THSD7B: variants seen among roughly 807,000 people sequenced by gnomAD.
THSD7B encodes thrombospondin type 1 domain containing 7B, also known as thrombospondin type-1 domain-containing protein 7B.
A neutral mutation model predicts 213.6 loss-of-function variants in THSD7B; 138 were observed. That is an observed-to-expected ratio of 0.65 (90% CI 0.56 to 0.74). The LOEUF (loss-of-function observed/expected upper bound fraction) is 0.74, where lower values mean the gene tolerates loss of function less well. Ranked by LOEUF, THSD7B falls within the 30% of genes least tolerant of loss-of-function variation. The probability of loss-of-function intolerance (pLI) is 0.00; values close to 1 mark genes in which losing one functional copy is unlikely to be tolerated. For missense variants in THSD7B, 1,931 were observed against 1,991.5 expected, an observed-to-expected ratio of 0.97 and a Z score of 0.58; for synonymous variants, 742 against 687.0, an observed-to-expected ratio of 1.08 and a Z score of -1.25.
chr2:137,227,310 A>C (rs1276108883), intron 7 of THSD7B, among the ~76,000 whole-genome samples: 1 of 152,200 alleles, frequency 6.6e-6, no homozygotes, highest in African/African-American at 2.4e-5. Flanking sequence ...TCTATTCCAC[A>C]AGGAGAGAAC....
chr2:137,179,626 T>G (rs942733344), intron 7 of THSD7B, among the ~76,000 whole-genome samples: 2 of 148,272 alleles, frequency 1.3e-5, no homozygotes, highest in Non-Finnish European at 2.9e-5. Flanking sequence ...AATCAATAAT[T>G]TTTTTTACTT....
At chr2:137,498,334 T>A (rs2105132117) in intron 15 of THSD7B, among the ~76,000 whole-genome samples, 2 of 87,610 alleles carry the variant, frequency 2.3e-5, no homozygotes, top group Middle Eastern at 5.3e-3. Flanking sequence ...GACAGTAAAG[T>A]CTTTTTTTTT....
At chr2:137,235,886 C>A (rs1370162350) in intron 9 of THSD7B, among the ~76,000 whole-genome samples, 1 of 152,152 alleles carries the variant, frequency 6.6e-6, no homozygotes, top group Non-Finnish European at 1.5e-5. Context: ...AGGCTGGAGA[C>A]TTAACAACCT....
intron 15 of THSD7B, among the ~76,000 whole-genome samples, chr2:137,470,239 A>C (rs1428369717): frequency 6.6e-6 from 1 of 152,226 alleles, no homozygotes; most frequent in Non-Finnish European, 1.5e-5. Flanking sequence ...AAGCAGATTA[A>C]CTCACTTAAT....
At chr2:136,789,274 A>G (rs1029000000) in intron 1 of THSD7B, among the ~76,000 whole-genome samples, 1 of 152,076 alleles carries the variant, frequency 6.6e-6, no homozygotes, top group African/African-American at 2.4e-5. Context: ...AAAAAGGTGA[A>G]TGTGAGTTTC....
chr2:137,498,335 C>CTTTTTTTT (rs10535733), intron 15 of THSD7B, among the ~76,000 whole-genome samples: 1 of 146,540 alleles, frequency 6.8e-6, no homozygotes, highest in African/African-American at 2.5e-5. Context: ...ACAGTAAAGT[C>CTTTTTTTT]TTTTTTTTTT....
intron 5 of THSD7B, among the ~76,000 whole-genome samples, chr2:137,147,728 C>T (rs562750712): frequency 6.6e-6 from 1 of 152,122 alleles, no homozygotes; most frequent in African/African-American, 2.4e-5. Context: ...TTGATTCACC[C>T]CGTGGGCTAA....
chr2:137,071,152 T>G (rs1406314817), intron 3 of THSD7B, among the ~76,000 whole-genome samples: 1 of 152,200 alleles, frequency 6.6e-6, no homozygotes, highest in Non-Finnish European at 1.5e-5. Flanking sequence ...ACTTCCACAA[T>G]GGTTGAACTA....
At chr2:136,968,093 T>C (rs1685349786) in intron 2 of THSD7B, among the ~76,000 whole-genome samples, 1 of 152,162 alleles carries the variant, frequency 6.6e-6, no homozygotes, top group Admixed American at 6.5e-5. Flanking sequence ...GACTGTATCA[T>C]GATATGGATG....
chr2:137,024,257 A>C (rs920297086), intron 2 of THSD7B, among the ~76,000 whole-genome samples: 2 of 152,066 alleles, frequency 1.3e-5, no homozygotes, highest in Admixed American at 1.3e-4. Flanking sequence ...TTGGTGGTGG[A>C]TTTGGGAGAA....
chr2:137,630,732 G>A lies in THSD7B; in HGVS notation c.3799+10006G>A, dbSNP rs372860229. ...TCGCCTGTTCTAAGACAAAGTGCCAGCAGCTGTCTTTTGTAGGAGCCGCTT... is the reference window on the plus strand; with the variant it reads ...TCGCCTGTTCTAAGACAAAGTGCCAACAGCTGTCTTTTGTAGGAGCCGCTT... On this transcript the variant is annotated intron_variant, in intron 20 of 27. Coordinates refer to ENST00000409968, the MANE Select transcript of THSD7B (RefSeq NM_001316349.2). Among the ~76,000 whole-genome samples, 20 of 152,278 alleles carry A rather than the reference G, an allele frequency of 1.3e-4. 2 individuals are homozygous for A. Among genetic ancestry groups the A allele is most frequent in the Admixed American group, 8.5e-4 (13 of 15,302 alleles).
At chr2:137,386,174 A>G (rs1413189070) in intron 12 of THSD7B, among the ~76,000 whole-genome samples, 1 of 152,184 alleles carries the variant, frequency 6.6e-6, no homozygotes, top group Non-Finnish European at 1.5e-5. Flanking sequence ...GACATGTCCT[A>G]CTCAGCATTT....
intron 13 of THSD7B, among the ~76,000 whole-genome samples, chr2:137,410,145 C>T (rs1410659307): frequency 6.6e-6 from 1 of 152,142 alleles, no homozygotes; most frequent in Non-Finnish European, 1.5e-5. Flanking sequence ...ATTTTCATGG[C>T]TGTGGTGGAA....
intron 17 of THSD7B, among the ~76,000 whole-genome samples, chr2:137,583,829 T>A (rs1362441248): frequency 6.6e-6 from 1 of 152,236 alleles, no homozygotes; most frequent in Non-Finnish European, 1.5e-5. Context: ...GGGCTCTTTT[T>A]TGGTTCCATA....
chr2:137,478,328 T>G (rs1174960670), intron 15 of THSD7B, among the ~76,000 whole-genome samples: 1 of 152,144 alleles, frequency 6.6e-6, no homozygotes, highest in East Asian at 1.9e-4. Flanking sequence ...ATTCTGAAAT[T>G]CTTTTGTCTG....
chr2:137,308,922 T>C (rs979797418), intron 12 of THSD7B, among the ~76,000 whole-genome samples: 6 of 152,112 alleles, frequency 3.9e-5, no homozygotes, highest in Admixed American at 1.3e-4. Flanking sequence ...TTGTAACCAG[T>C]TTATTGCTGA....
chr2:137,216,790 G>A (rs1681254805), intron 7 of THSD7B, among the ~76,000 whole-genome samples: 1 of 152,148 alleles, frequency 6.6e-6, no homozygotes, highest in African/African-American at 2.4e-5. Flanking sequence ...GTCACATGAG[G>A]CCAGATCTGT....
At chr2:136,939,554 G>A (rs1223747610) in intron 2 of THSD7B, among the ~76,000 whole-genome samples, 2 of 152,128 alleles carry the variant, frequency 1.3e-5, no homozygotes, top group Non-Finnish European at 2.9e-5. Flanking sequence ...CCAGGCATAT[G>A]CTGTGTGGAA....
At chr2:137,420,679 A>G (rs1686904642) in intron 14 of THSD7B, among the ~76,000 whole-genome samples, 1 of 152,222 alleles carries the variant, frequency 6.6e-6, no homozygotes, top group Admixed American at 6.5e-5. Context: ...ATAATGGCTC[A>G]CAAAACACAG....
Sources: allele counts gnomAD v4.1 joint callset (sites outside exome capture counted in the v4.1 genomes callset), GRCh38; gene constraint gnomAD v4.1.1; transcripts MANE v1.5; gene names NCBI Gene and HGNC (gene_info 2026-07-23, HGNC 2026-07-21).